The following TRAPPC8 variants were observed in gnomAD, a reference collection of about 807,000 sequenced individuals.
TRAPPC8 encodes the protein general sporulation gene 1 homolog.
In TRAPPC8, 54 loss-of-function variants were observed where a neutral mutation model predicts 174.3. The observed-to-expected ratio is 0.31, with a 90% confidence interval of 0.25 to 0.39. The LOEUF (loss-of-function observed/expected upper bound fraction) is 0.39, where lower values mean the gene tolerates loss of function less well. TRAPPC8 is among the 10% of genes least tolerant of loss of function. TRAPPC8 has a pLI of 1.00. For synonymous variants in TRAPPC8, 630 were observed against 579.9 expected, an observed-to-expected ratio of 1.09 and a Z score of -1.24; for missense variants, 1,531 against 1,699.1, an observed-to-expected ratio of 0.90 and a Z score of 1.74.
At chr18:31,831,140 A>G (rs1400989964) in intron 28 of TRAPPC8, 151 bp from the exon 29 acceptor site, 7 of 622,166 alleles carry the variant, frequency 1.1e-5, no homozygotes, top group East Asian at 2.8e-5. Context: ...ATCACCTGAG[A>G]TCAGGAGTTC....
intron 9 of TRAPPC8, among the ~76,000 whole-genome samples, chr18:31,902,800 A>T (rs1338256541): frequency 6.6e-6 from 1 of 152,100 alleles, no homozygotes; most frequent in Non-Finnish European, 1.5e-5. Flanking sequence ...CCTGTAATCC[A>T]GCACTTTGGG....
intron 2 of TRAPPC8, among the ~76,000 whole-genome samples, chr18:31,921,726 C>G (rs1284277769): frequency 6.6e-6 from 1 of 152,056 alleles, no homozygotes; most frequent in African/African-American, 2.4e-5. Flanking sequence ...GTAGCTTTCT[C>G]ATCTCACCTT....
chr18:31,916,465 A>G lies in TRAPPC8; in HGVS notation c.443-19T>C. 2 of 1,594,176 alleles carry G rather than the reference A, an allele frequency of 1.3e-6. No individual in the cohort carries two copies. Among genetic ancestry groups the G allele is most frequent in the Non-Finnish European group, 1.7e-6 (2 of 1,172,586 alleles). ...AACATACCTTGTAAACCATATTATTAAGGTAATTATCGCTTATTACTCAAT... is the reference window on the plus strand; with the variant it reads ...AACATACCTTGTAAACCATATTATTGAGGTAATTATCGCTTATTACTCAAT... On this transcript the variant is annotated intron_variant, in intron 3 of 28. Transcript: ENST00000283351.
At position 31,870,989 on chromosome 18, in the gene TRAPPC8, G is replaced by A; in HGVS notation, c.2194C>T (p.Pro732Ser). 2 of 1,610,518 alleles carry A rather than the reference G, an allele frequency of 1.2e-6. No homozygotes were observed. The highest frequency in any genetic ancestry group is 2.2e-5 in the East Asian group (1 of 44,742). The change falls in exon 15 of 29, where the codon CCC becomes TCC. Residue 732 changes from proline to serine, a missense_variant. Physicochemically the swap from Pro to Ser is moderately conservative, Grantham distance 74. Coordinates refer to ENST00000283351, the MANE Select transcript of TRAPPC8 (RefSeq NM_014939.5). ...NKGVIPSNFH[P>S]TQYCLNSYSD... Reference sequence around the variant, plus strand: ...TAACTGTTCAAACAGTATTGTGTGGGATGAAAATTGGATGGAATTACTCCT... The same window carrying A: ...TAACTGTTCAAACAGTATTGTGTGGAATGAAAATTGGATGGAATTACTCCT...
rs754162910 is a variant in TRAPPC8, at chr18:31,900,877, A to G, written c.1490+48T>C. On this transcript the variant is annotated intron_variant, in intron 10 of 28. Transcript: ENST00000283351. ...ATGGGGAAAAAAAAAAAAAAAGAAC[A>G]AACTGACCTTTAACTGGATACAATA... 44 of 1,445,006 alleles carry G rather than the reference A, an allele frequency of 3.0e-5. 1 individual carries two copies. In the South Asian group the frequency reaches 5.2e-4, roughly 17 times the overall value. The allele number at this position is 1,445,006 out of a possible 1,614,324, so 89.5% of individuals were successfully genotyped here. A position where few individuals can be genotyped will look rare whatever the true frequency, so the allele number is the denominator to read the frequency against.
At chr18:31,930,851 AC>A (rs1307671716) in intron 2 of TRAPPC8, among the ~76,000 whole-genome samples, 1 of 151,962 alleles carries the variant, frequency 6.6e-6, no homozygotes, top group East Asian at 1.9e-4. Flanking sequence ...ACATAATGAG[AC>A]CCCCTATCTC....
intron 18 of TRAPPC8, among the ~76,000 whole-genome samples, chr18:31,866,035 A>T (rs538498441): frequency 6.6e-6 from 1 of 152,124 alleles, no homozygotes; most frequent in Non-Finnish European, 1.5e-5. Context: ...ATTGAAAGTT[A>T]AAAGAACCAA....
At chr18:31,940,980 T>C (rs1230685640) in intron 1 of TRAPPC8, among the ~76,000 whole-genome samples, 2 of 118,062 alleles carry the variant, frequency 1.7e-5, no homozygotes, top group Non-Finnish European at 4.0e-5. Flanking sequence ...TTAACACTTC[T>C]ATGCTTCAAG....
chr18:31,930,253 G>A (rs1258726611), intron 2 of TRAPPC8, among the ~76,000 whole-genome samples: 1 of 151,840 alleles, frequency 6.6e-6, no homozygotes, highest in Admixed American at 6.6e-5. Flanking sequence ...CCAAGTAGCT[G>A]GGATTACAGG....
At chr18:31,937,158 G>A in intron 1 of TRAPPC8, among the ~76,000 whole-genome samples, 1 of 152,106 alleles carries the variant, frequency 6.6e-6, no homozygotes, top group East Asian at 1.9e-4. Flanking sequence ...AGCTTGCAGT[G>A]AGCTGAGACG....
chr18:31,926,112 TTTTA>T (rs1281564425), intron 2 of TRAPPC8, among the ~76,000 whole-genome samples: 2 of 152,192 alleles, frequency 1.3e-5, no homozygotes, highest in Admixed American at 6.5e-5. Context: ...ATTTCCCAGC[TTTTA>T]TTTCATTATA....
chr18:31,839,265 T>C, intron 27 of TRAPPC8, 47 bp downstream of exon 27: 1 of 1,557,070 alleles, frequency 6.4e-7, no homozygotes, highest in Non-Finnish European at 8.7e-7. Context: ...CAAATACACG[T>C]GCCAGTGTGT....
At chr18:31,901,199 C>T (rs1845249075) in intron 9 of TRAPPC8, among the ~76,000 whole-genome samples, 174 bp from the exon 10 acceptor site, 1 of 152,062 alleles carries the variant, frequency 6.6e-6, no homozygotes, top group African/African-American at 2.4e-5. Context: ...AGTCACTCTT[C>T]AGAGAAGATG....
intron 5 of TRAPPC8, 150 bp downstream of exon 5, chr18:31,913,218 CT>C (rs1598729740): frequency 1.4e-6 from 1 of 730,920 alleles, no homozygotes; most frequent in East Asian, 3.1e-5. Context: ...TTAAAAACAG[CT>C]TTTAAACCAC....
chr18:31,908,987 C>G lies in TRAPPC8; in HGVS notation c.889G>C (p.Ala297Pro). Residue 297 changes from alanine to proline, a missense_variant, in exon 7 of 29, where the codon GCT becomes CCT. Ala to Pro is a conservative substitution (Grantham distance 27). Coordinates refer to ENST00000283351, the MANE Select transcript of TRAPPC8 (RefSeq NM_014939.5). The stretch of plus-strand genomic sequence containing the variant: ...GATTGCTCCAACTGAAGTGGGTGAG[C>G]TCTAAAGTTATTTGGTAAGCCATCT... ...VKDGLPNNFR[A>P]HPLQLEQSSD... The G allele has an allele frequency of 6.2e-7, 1 of 1,608,662 alleles. No individual in the cohort carries two copies. Among genetic ancestry groups the G allele is most frequent in the South Asian group, 1.1e-5 (1 of 90,538 alleles).
chr18:31,880,540 C>A (rs1202835203), intron 12 of TRAPPC8, among the ~76,000 whole-genome samples: 2 of 151,988 alleles, frequency 1.3e-5, no homozygotes, highest in Non-Finnish European at 2.9e-5. Flanking sequence ...CAGCCAAAAT[C>A]ATATTGAATG....
chr18:31,852,900 T>G, intron 22 of TRAPPC8: 1 of 431,772 alleles, frequency 2.3e-6, no homozygotes, highest in Non-Finnish European at 4.1e-6. Context: ...TGTATTCATA[T>G]ATGCGACATT....
chr18:31,924,833 C>T (rs959793368), intron 2 of TRAPPC8, among the ~76,000 whole-genome samples: 1 of 151,770 alleles, frequency 6.6e-6, no homozygotes, highest in Non-Finnish European at 1.5e-5. Flanking sequence ...ATCAATCCTC[C>T]CGTATGAGGA....
chr18:31,847,050 G>C (rs542912684), intron 25 of TRAPPC8, among the ~76,000 whole-genome samples: 1 of 152,278 alleles, frequency 6.6e-6, no homozygotes, highest in African/African-American at 2.4e-5. Flanking sequence ...ATTTGAGAGA[G>C]ATACATCATG....
Sources: gnomAD v4.1 joint callset for allele counts (sites outside exome capture counted in the v4.1 genomes callset) on GRCh38, gnomAD v4.1.1 for gene constraint, MANE v1.5 for transcripts, NCBI Gene and HGNC (gene_info 2026-07-23, HGNC 2026-07-21) for gene names.